The following M1AP variants were observed in gnomAD, a reference collection of about 807,000 sequenced individuals.
M1AP encodes the protein meiosis 1 associated protein, also known as meiosis 1 arrest protein.
In M1AP, 39 loss-of-function variants were observed where a neutral mutation model predicts 51.2. The observed-to-expected ratio is 0.76, with a 90% CI of 0.59 to 1.00. The LOEUF is 1.00. Ranked by LOEUF, M1AP falls within the 50% of genes least tolerant of loss-of-function variation. The pLI, the probability that M1AP is intolerant of heterozygous loss-of-function variation, is 0.00. For synonymous variants in M1AP, 251 were observed against 249.2 expected, an observed-to-expected ratio of 1.01 and a Z score of -0.07; for missense variants, 545 against 641.2, an observed-to-expected ratio of 0.85 and a Z score of 1.62.
chr2:74,622,331 C>T (rs1243569395), intron 2 of M1AP, among the ~76,000 whole-genome samples: 4 of 151,926 alleles, frequency 2.6e-5, no homozygotes, highest in African/African-American at 4.8e-5. Context: ...CCCCGCCTCC[C>T]GAGTTCAAGC....
intron 4 of M1AP, among the ~76,000 whole-genome samples, chr2:74,604,026 C>T (rs1680825793): frequency 6.6e-6 from 1 of 151,834 alleles, no homozygotes; most frequent in South Asian, 2.1e-4. Context: ...AAAACTGGTC[C>T]CAAAGCCCTT....
chr2:74,647,048 C>A (rs1260504343), intron 1 of M1AP, among the ~76,000 whole-genome samples: 3 of 152,150 alleles, frequency 2.0e-5, no homozygotes, highest in African/African-American at 7.2e-5. Flanking sequence ...CAAGAACACT[C>A]GCTTAATGAA....
intron 3 of M1AP, 29 bp downstream of exon 3, chr2:74,614,935 T>C: frequency 1.2e-6 from 2 of 1,603,916 alleles, no homozygotes; most frequent in South Asian, 1.1e-5. Flanking sequence ...GGAACACAGC[T>C]TGGAGTCCTA....
chr2:74,578,481 C>T (rs1215030107), intron 5 of M1AP, among the ~76,000 whole-genome samples: 1 of 152,020 alleles, frequency 6.6e-6, no homozygotes. Context: ...TATAAGTTCC[C>T]CATGTGATTC....
intron 8 of M1AP, among the ~76,000 whole-genome samples, chr2:74,561,241 G>GAGAAGGAGGAGA (rs1677982681): frequency 1.4e-5 from 1 of 70,466 alleles, no homozygotes; most frequent in Admixed American, 1.3e-4. Flanking sequence ...GAAGGAGGAG[G>GAGAAGGAGGAGA]AGGAGGAGGA....
At chr2:74,578,495 C>T (rs1415267212) in intron 5 of M1AP, among the ~76,000 whole-genome samples, 1 of 151,350 alleles carries the variant, frequency 6.6e-6, no homozygotes, top group South Asian at 2.1e-4. Context: ...GTGATTCTTA[C>T]TGCAGCCTGG....
chr2:74,641,908 T>C (rs537862453), intron 1 of M1AP, among the ~76,000 whole-genome samples: 91 of 151,886 alleles, frequency 6.0e-4, no homozygotes, highest in African/African-American at 1.8e-3. Context: ...TGCAATGGCA[T>C]GATCTTGGCT....
At chr2:74,607,788 T>C (rs530926659) in intron 3 of M1AP, among the ~76,000 whole-genome samples, 9 of 152,302 alleles carry the variant, frequency 5.9e-5, no homozygotes, top group Admixed American at 2.0e-4. Flanking sequence ...TATGTTATTA[T>C]TAGGAGTTTC....
intron 4 of M1AP, among the ~76,000 whole-genome samples, chr2:74,599,096 G>A (rs943024977): frequency 6.6e-6 from 1 of 152,038 alleles, no homozygotes; most frequent in South Asian, 2.1e-4. Flanking sequence ...TGGCCAACAT[G>A]GTGAAACCCT....
At chr2:74,566,674 C>T (rs1678414637) in intron 7 of M1AP, among the ~76,000 whole-genome samples, 1 of 111,302 alleles carries the variant, frequency 9.0e-6, no homozygotes, top group South Asian at 3.2e-4. Context: ...TACACTGTAA[C>T]CTCCATCATT....
chr2:74,610,836 G>A (rs986679750), intron 3 of M1AP, among the ~76,000 whole-genome samples: 1 of 152,210 alleles, frequency 6.6e-6, no homozygotes, highest in Admixed American at 6.5e-5. Flanking sequence ...TCTTCATTGT[G>A]TTGAGGTATG....
Position 74,569,312 on chromosome 2 carries a change from A to G in M1AP, c.1074+6126T>C, listed in dbSNP as rs574218975. On this transcript the variant is annotated intron_variant, in intron 7 of 10. Coordinates refer to ENST00000421985, the MANE Select transcript of M1AP (RefSeq NM_001321739.2). Reference sequence around the variant, plus strand: ...CCACATGAGGTATATTTTATTGTCTATATTTTATATGTGATGGGACAAGAG... The same window carrying G: ...CCACATGAGGTATATTTTATTGTCTGTATTTTATATGTGATGGGACAAGAG... Among the ~76,000 whole-genome samples, 503 of 151,540 alleles carry G rather than the reference A, an allele frequency of 3.3e-3. 3 individuals are homozygous for G. The highest frequency in any genetic ancestry group is 0.011 in the African/African-American group (465 of 41,304).
intron 4 of M1AP, among the ~76,000 whole-genome samples, chr2:74,604,406 TG>T (rs1023781923): frequency 6.6e-6 from 1 of 152,218 alleles, no homozygotes; most frequent in African/African-American, 2.4e-5. Flanking sequence ...GTGGTTGGAA[TG>T]GTTTTGGGAT....
rs142183467 is a variant in M1AP at position 74,612,062 on chromosome 2, T to C, written c.426+2902A>G. ...GCACCCACCACCACGCCTGGCTAAT[T>C]TTTTGTATTTTTTAGTAGAGATGGG... On this transcript the variant is annotated intron_variant, in intron 3 of 10. Transcript: ENST00000421985. Among the ~76,000 whole-genome samples, 1,047 of 149,950 alleles carry C rather than the reference T, an allele frequency of 7.0e-3. 16 individuals are homozygous for C. Among genetic ancestry groups the C allele is most frequent in the African/African-American group, 0.024 (996 of 40,776 alleles).
intron 2 of M1AP, among the ~76,000 whole-genome samples, chr2:74,618,478 G>C (rs904675814): frequency 2.6e-5 from 4 of 152,196 alleles, no homozygotes; most frequent in Admixed American, 2.6e-4. Context: ...CAGGGCCCTT[G>C]AACCCCTTCA....
intron 1 of M1AP, among the ~76,000 whole-genome samples, chr2:74,644,409 G>A (rs1462163431): frequency 1.3e-5 from 2 of 152,036 alleles, no homozygotes; most frequent in Non-Finnish European, 2.9e-5. Context: ...GTGGTAGCAC[G>A]CGCTTGTAAT....
At chr2:74,571,647 A>AT (rs1278648447) in intron 7 of M1AP, among the ~76,000 whole-genome samples, 3 of 152,162 alleles carry the variant, frequency 2.0e-5, no homozygotes, top group African/African-American at 7.2e-5. Flanking sequence ...GCCATTCAGG[A>AT]TTTTTGCTGC....
Position 74,615,097 on chromosome 2 carries a change from A to G in M1AP, c.293T>C (p.Met98Thr), listed in dbSNP as rs977110652. The G allele has an allele frequency of 1.8e-5, 29 of 1,614,040 alleles. No homozygotes were observed. Among genetic ancestry groups the G allele is most frequent in the Non-Finnish European group, 2.5e-5 (29 of 1,180,000 alleles). The change falls in exon 3 of 11, where the codon ATG becomes ACG. Residue 98 changes from methionine (M) to threonine (T), a missense_variant. Coordinates refer to ENST00000421985, the MANE Select transcript of M1AP (RefSeq NM_001321739.2). The stretch of plus-strand genomic sequence containing the variant: ...TCTGAAACACCCTTCTCTCTGTAAC[A>G]TGCGGAGTTCTGAGATGCAGGTCTG... ...RLQTCISELRMLQREGCFRSQ... is the reference protein window; with the variant it reads ...RLQTCISELRTLQREGCFRSQ...
In M1AP at chr2:74,564,479, C is replaced by T. The variant is rs183779735; in HGVS notation, c.1075-2056G>A. ...TTGGGGGTGGGACAGATGATTTGGG[C>T]ATGGGAAAATTAGTCATAATCATAA... On this transcript the variant is annotated intron_variant, in intron 7 of 10. Coordinates refer to ENST00000421985, the MANE Select transcript of M1AP (RefSeq NM_001321739.2). Among the ~76,000 whole-genome samples, 150 of 152,252 alleles carry T rather than the reference C, an allele frequency of 9.9e-4. 2 individuals carry two copies. Among genetic ancestry groups the T allele is most frequent in the African/African-American group, 3.5e-3 (147 of 41,530 alleles).
Sources: gnomAD v4.1 joint callset for allele counts (sites outside exome capture counted in the v4.1 genomes callset) on GRCh38, gnomAD v4.1.1 for gene constraint, MANE v1.5 for transcripts, NCBI Gene and HGNC (gene_info 2026-07-23, HGNC 2026-07-21) for gene names.